SH3GL2: variants seen among roughly 807,000 people sequenced by gnomAD.
The protein encoded by SH3GL2 is SH3 domain containing GRB2 like 2, endophilin A1.
A neutral mutation model predicts 46.0 loss-of-function variants in SH3GL2; 24 were observed. The observed-to-expected ratio is 0.52, with a 90% CI of 0.38 to 0.73. The LOEUF (loss-of-function observed/expected upper bound fraction) is 0.73. SH3GL2 is among the 30% of genes least tolerant of loss of function. The pLI, the probability that SH3GL2 is intolerant of heterozygous loss-of-function variation, is 0.00. For synonymous variants in SH3GL2, 196 were observed against 147.1 expected (o/e 1.33, Z -2.40); for missense variants, 413 against 424.2 (o/e 0.97, Z 0.23).
chr9:17,710,860 A>G (rs77398483), intron 1 of SH3GL2, among the ~76,000 whole-genome samples: 6 of 151,962 alleles, frequency 3.9e-5, no homozygotes, highest in African/African-American at 7.2e-5. Context: ...AAAATCCCCA[A>G]TGTATGCCTG....
intron 1 of SH3GL2, among the ~76,000 whole-genome samples, chr9:17,692,679 A>G (rs551413464): frequency 2.6e-4 from 40 of 152,072 alleles, no homozygotes; most frequent in African/African-American, 8.7e-4. Flanking sequence ...TAGGGCAGCT[A>G]GGAGGGGCAG....
chr9:17,579,284 T>C lies in SH3GL2; in HGVS notation c.42T>C (p.Thr14=). The stretch of plus-strand genomic sequence containing the variant: ...TCAAGAAGCAGTTCCATAAAGCCAC[T>C]CAGGTAAGGCGCGCGGCAGGTGCGT... The part of the protein sequence containing the change: ...AGLKKQFHKA[T]QKVSEKVGGA... The change falls in exon 1 of 9, where the codon ACT becomes ACC. Residue 14 remains threonine (T), a synonymous_variant. Coordinates refer to ENST00000380607, the MANE Select transcript of SH3GL2 (RefSeq NM_003026.5). The C allele has an allele frequency of 6.4e-7, 1 of 1,563,002 alleles. No homozygotes were observed. Among genetic ancestry groups the C allele is most frequent in the South Asian group, 1.2e-5 (1 of 86,190 alleles).
At chr9:17,640,295 T>G (rs1819646571) in intron 1 of SH3GL2, among the ~76,000 whole-genome samples, 1 of 152,166 alleles carries the variant, frequency 6.6e-6, no homozygotes, top group Non-Finnish European at 1.5e-5. Flanking sequence ...TCTAAGCATT[T>G]TATATTCTTA....
intron 1 of SH3GL2, among the ~76,000 whole-genome samples, chr9:17,682,916 A>G (rs1308737766): frequency 6.6e-6 from 1 of 152,082 alleles, no homozygotes; most frequent in Admixed American, 6.6e-5. Context: ...ACCTTCTGTG[A>G]ACATGCTTCT....
Position 17,754,716 on chromosome 9 carries a change from T to C in SH3GL2, c.115-6721T>C, listed in dbSNP as rs375339319. On this transcript the variant is annotated intron_variant, in intron 2 of 8. Coordinates refer to ENST00000380607, the MANE Select transcript of SH3GL2 (RefSeq NM_003026.5). ...AATAACTTTCACCTCCCTGGTTAGC[T>C]GTATTCCTAGGTATTTTATTATTTT... is the stretch of plus-strand genomic sequence containing the variant. Among the ~76,000 whole-genome samples the C allele has an allele frequency of 1.6e-4, 24 of 152,256 alleles. No homozygotes were observed. In the East Asian group the frequency reaches 2.3e-3, roughly 15 times the overall value.
At chr9:17,789,887 C>A (rs939743597) in intron 6 of SH3GL2, 10 of 461,458 alleles carry the variant, frequency 2.2e-5, no homozygotes, top group Non-Finnish European at 2.6e-5. Flanking sequence ...TGTAAGGGTA[C>A]TTGAGGTATG....
At chr9:17,731,138 G>C (rs960116567) in intron 1 of SH3GL2, among the ~76,000 whole-genome samples, 2 of 152,054 alleles carry the variant, frequency 1.3e-5, no homozygotes, top group African/African-American at 4.8e-5. Context: ...GCGTCCTTTG[G>C]TTATGCCAAG....
At chr9:17,715,555 G>A (rs1052455711) in intron 1 of SH3GL2, among the ~76,000 whole-genome samples, 3 of 151,308 alleles carry the variant, frequency 2.0e-5, no homozygotes, top group African/African-American at 7.3e-5. Context: ...TTTATTGCTA[G>A]GCTTTAAATT....
At chr9:17,671,428 CA>C (rs1447297184) in intron 1 of SH3GL2, among the ~76,000 whole-genome samples, 2 of 151,936 alleles carry the variant, frequency 1.3e-5, no homozygotes, top group Non-Finnish European at 2.9e-5. Context: ...GATAACACGA[CA>C]AGGTGACTGT....
intron 6 of SH3GL2, 118 bp from the exon 7 acceptor site, chr9:17,791,113 G>A: frequency 1.4e-6 from 1 of 703,214 alleles, no homozygotes; most frequent in Non-Finnish European, 2.6e-6. Flanking sequence ...ACAGTCATCA[G>A]CACCACCAAC....
intron 1 of SH3GL2, among the ~76,000 whole-genome samples, chr9:17,579,640 T>G (rs951207835): frequency 6.6e-6 from 1 of 152,126 alleles, no homozygotes; most frequent in Non-Finnish European, 1.5e-5. Context: ...GGTGGGAGAT[T>G]ATGTAAAGTC....
At chr9:17,752,664 A>T (rs1822880234) in intron 2 of SH3GL2, among the ~76,000 whole-genome samples, 1 of 151,888 alleles carries the variant, frequency 6.6e-6, no homozygotes, top group African/African-American at 2.4e-5. Flanking sequence ...TGCCTGCCTA[A>T]TTTTTATTAT....
At chr9:17,740,493 A>AT (rs1822494870) in intron 1 of SH3GL2, among the ~76,000 whole-genome samples, 1 of 149,706 alleles carries the variant, frequency 6.7e-6, no homozygotes, top group Non-Finnish European at 1.5e-5. Context: ...ATTGTATTGT[A>AT]TTTTTTAAAT....
intron 1 of SH3GL2, among the ~76,000 whole-genome samples, chr9:17,606,381 A>G (rs1302123048): frequency 1.3e-5 from 2 of 152,132 alleles, no homozygotes; most frequent in East Asian, 3.9e-4. Flanking sequence ...GTAAGCCACC[A>G]TGCCCGCTCA....
intron 1 of SH3GL2, among the ~76,000 whole-genome samples, chr9:17,641,069 A>G (rs1389832989): frequency 6.6e-6 from 1 of 152,222 alleles, no homozygotes; most frequent in Non-Finnish European, 1.5e-5. Flanking sequence ...TTTTACCTAG[A>G]TGAGTTTATT....
chr9:17,790,731 T>C (rs776811314), intron 6 of SH3GL2, among the ~76,000 whole-genome samples: 17 of 152,188 alleles, frequency 1.1e-4, no homozygotes, highest in Non-Finnish European at 2.1e-4. Flanking sequence ...GATTTAACCC[T>C]TTTACATTAC....
At position 17,579,104 on chromosome 9, in the gene SH3GL2, G is replaced by A. The variant is rs1345899460; in HGVS notation, c.-139G>A. 2 of 520,306 alleles carry A rather than the reference G, an allele frequency of 3.8e-6. No homozygotes were observed. The highest frequency in any genetic ancestry group is 3.2e-6 in the Non-Finnish European group (1 of 308,026). 32.2% of individuals were successfully genotyped at this position (520,306 alleles called of 1,614,324 possible). A position where few individuals can be genotyped will look rare whatever the true frequency, so the allele number is the denominator to read the frequency against. ...TCCGCAAGAGCCCGTGTCCCGCTAG[G>A]CTCCGCGCCCTCGCGCCCATAGCCC... On this transcript the variant is annotated 5_prime_UTR_variant, in exon 1 of 9. Coordinates refer to ENST00000380607, the MANE Select transcript of SH3GL2 (RefSeq NM_003026.5).
intron 3 of SH3GL2, among the ~76,000 whole-genome samples, chr9:17,776,307 G>GT (rs940834980): frequency 3.4e-4 from 51 of 152,194 alleles, no homozygotes; most frequent in East Asian, 9.7e-4. Context: ...AAAACTCCCT[G>GT]TTTTTTTCCC....
chr9:17,615,267 T>C (rs983722181), intron 1 of SH3GL2, among the ~76,000 whole-genome samples: 2 of 152,258 alleles, frequency 1.3e-5, no homozygotes, highest in Non-Finnish European at 2.9e-5. Context: ...AATTCTCAGA[T>C]AAATCCATAT....
Sources: allele counts gnomAD v4.1 joint callset (sites outside exome capture counted in the v4.1 genomes callset), GRCh38; gene constraint gnomAD v4.1.1; transcripts MANE v1.5; gene names NCBI Gene and HGNC (gene_info 2026-07-23, HGNC 2026-07-21).